Variants in EIPR1 observed in about 807,000 individuals in gnomAD.
EIPR1 encodes the protein EARP complex and GARP complex interacting protein 1.
Under a neutral mutation model 48.1 loss-of-function variants are expected in EIPR1, and 25 were observed. That is an observed-to-expected ratio of 0.52 (90% CI 0.38 to 0.73). The LOEUF (loss-of-function observed/expected upper bound fraction) is 0.73, where lower values mean the gene tolerates loss of function less well. Ranked by LOEUF, EIPR1 falls within the 30% of genes least tolerant of loss-of-function variation. The probability of loss-of-function intolerance (pLI) is 0.00; values close to 1 mark genes in which losing one functional copy is unlikely to be tolerated. For synonymous variants in EIPR1, 204 were observed against 201.9 expected, an observed-to-expected ratio of 1.01 and a Z score of -0.09; for missense variants, 415 against 506.2, an observed-to-expected ratio of 0.82 and a Z score of 1.73.
At chr2:3,265,598 TC>T (rs1667461823) in intron 3 of EIPR1, among the ~76,000 whole-genome samples, 1 of 152,206 alleles carries the variant, frequency 6.6e-6, no homozygotes, top group Admixed American at 6.5e-5. Flanking sequence ...TAATGTAACT[TC>T]CTGTGCCGAA....
At chr2:3,352,858 G>A (rs530933010) in intron 2 of EIPR1, among the ~76,000 whole-genome samples, 38 of 152,184 alleles carry the variant, frequency 2.5e-4, no homozygotes, top group Non-Finnish European at 5.0e-4. Context: ...TTAGCTGGGC[G>A]TGGTGGTGCA....
chr2:3,365,386 A>C (rs1335914601), intron 1 of EIPR1, among the ~76,000 whole-genome samples: 1 of 151,996 alleles, frequency 6.6e-6, no homozygotes, highest in Non-Finnish European at 1.5e-5. Flanking sequence ...GCCGGGAGAG[A>C]GCTTGAGCCC....
intron 1 of EIPR1, among the ~76,000 whole-genome samples, chr2:3,375,904 G>A (rs1481932334): frequency 6.6e-6 from 1 of 152,208 alleles, no homozygotes; most frequent in Non-Finnish European, 1.5e-5. Context: ...ATGTGATATA[G>A]CCACTGGTCA....
At chr2:3,376,430 C>T (rs983182659) in intron 1 of EIPR1, among the ~76,000 whole-genome samples, 36 of 152,196 alleles carry the variant, frequency 2.4e-4, no homozygotes, top group African/African-American at 7.2e-4. Context: ...CGGTGGCTCA[C>T]GCCTGTAATC....
chr2:3,208,454 G>A, intron 5 of EIPR1: 2 of 1,491,682 alleles, frequency 1.3e-6, no homozygotes, highest in Non-Finnish European at 1.8e-6. Context: ...TCCGTCGTTA[G>A]CTTTCCTCTT....
intron 3 of EIPR1, among the ~76,000 whole-genome samples, chr2:3,306,088 C>T (rs186570679): frequency 5.9e-5 from 9 of 152,304 alleles, no homozygotes; most frequent in Admixed American, 4.6e-4. Flanking sequence ...GACACAAAAA[C>T]GAAACTGGGG....
chr2:3,371,062 G>T (rs779546950), intron 1 of EIPR1, among the ~76,000 whole-genome samples: 34 of 152,302 alleles, frequency 2.2e-4, no homozygotes, highest in Non-Finnish European at 2.9e-5. Context: ...CTACAAGCCA[G>T]GAGAGAGTAG....
chr2:3,355,142 G>C (rs114977446), intron 1 of EIPR1, among the ~76,000 whole-genome samples: 1,966 of 152,274 alleles, frequency 0.013, 38 homozygotes, highest in African/African-American at 0.039. Flanking sequence ...GGAAGCCTAG[G>C]GGGGAAGCCC....
intron 6 of EIPR1, among the ~76,000 whole-genome samples, chr2:3,196,135 G>A (rs1664798661): frequency 6.6e-6 from 1 of 152,230 alleles, no homozygotes; most frequent in Non-Finnish European, 1.5e-5. Context: ...AAAGGAGGAA[G>A]TGGCAAGTGA....
chr2:3,202,226 C>T (rs562545400), intron 5 of EIPR1, among the ~76,000 whole-genome samples: 6 of 152,292 alleles, frequency 3.9e-5, no homozygotes, highest in East Asian at 1.9e-4. Flanking sequence ...CGTGAGCCAC[C>T]GCACCCGGCC....
intron 8 of EIPR1, among the ~76,000 whole-genome samples, chr2:3,190,103 C>A (rs1019140430): frequency 6.6e-5 from 10 of 152,088 alleles, no homozygotes; most frequent in Admixed American, 2.6e-4. Context: ...TGGCCTCCCC[C>A]AGGGTGTTTC....
rs377098124 is a variant in EIPR1, at chr2:3,233,277, G to C, written c.417-19029C>G. Among the ~76,000 whole-genome samples, 16 of 152,016 alleles carry C rather than the reference G, an allele frequency of 1.1e-4. No individual in the cohort carries two copies. The East Asian group carries it at 2.7e-3, about 26-fold the overall frequency. ...TCAAATAGATATAATTCTTTCCAAAGGGCACACAGAATTCTATCGTGTGAA... is the reference window on the plus strand; with the variant it reads ...TCAAATAGATATAATTCTTTCCAAACGGCACACAGAATTCTATCGTGTGAA... On this transcript the variant is annotated intron_variant, in intron 4 of 8. Transcript: ENST00000382125.
At chr2:3,371,440 T>G (rs62119555) in intron 1 of EIPR1, among the ~76,000 whole-genome samples, 24,590 of 152,074 alleles carry the variant, frequency 0.16, 2,221 homozygotes, top group Non-Finnish European at 0.2. Context: ...GACTGGCAAA[T>G]TGGATAAAGA....
chr2:3,190,676 G>A (rs1158577237), intron 8 of EIPR1, among the ~76,000 whole-genome samples: 1 of 152,188 alleles, frequency 6.6e-6, no homozygotes, highest in African/African-American at 2.4e-5. Flanking sequence ...TGGTGAGGAA[G>A]TGCAGACTCC....
intron 4 of EIPR1, among the ~76,000 whole-genome samples, chr2:3,254,784 C>G (rs1667103536): frequency 6.6e-6 from 1 of 152,220 alleles, no homozygotes; most frequent in Admixed American, 6.5e-5. Context: ...TGTCTTGACT[C>G]TGGTGGTGGC....
At chr2:3,273,982 TA>T (rs1667773855) in intron 3 of EIPR1, among the ~76,000 whole-genome samples, 1 of 152,120 alleles carries the variant, frequency 6.6e-6, no homozygotes, top group Non-Finnish European at 1.5e-5. Context: ...TTAAAAAAAA[TA>T]ATAAAGCATC....
intron 1 of EIPR1, among the ~76,000 whole-genome samples, chr2:3,367,187 C>CT (rs1015244333): frequency 3.3e-5 from 5 of 151,724 alleles, no homozygotes; most frequent in East Asian, 1.9e-4. Context: ...AATGCCTCTG[C>CT]AAGGGTGCGT....
At chr2:3,341,113 AAAAAAAACAAAAC>A (rs1670231574) in intron 2 of EIPR1, among the ~76,000 whole-genome samples, 1 of 148,438 alleles carries the variant, frequency 6.7e-6, no homozygotes, top group Non-Finnish European at 1.5e-5. Context: ...AAAAAAAAAA[AAAAAAAACAAAAC>A]AAAACTCCAC....
rs73913306 is a variant in EIPR1, at chr2:3,287,344, T to C, written c.260-29889A>G. On this transcript the variant is annotated intron_variant, in intron 3 of 8. Coordinates refer to ENST00000382125, the MANE Select transcript of EIPR1 (RefSeq NM_003310.5). ...ACCACACTCCAGAAAGCTCGTTCAC[T>C]GCGCTCCAGAAAGCTCGTTCACTAC... Among the ~76,000 whole-genome samples, 334 of 121,992 alleles carry C rather than the reference T, an allele frequency of 2.7e-3. 2 individuals carry two copies. Among genetic ancestry groups the C allele is most frequent in the East Asian group, 0.017 (64 of 3,716 alleles). 80.0% of individuals were successfully genotyped at this position (121,992 alleles called of 152,430 possible). A position where few individuals can be genotyped will look rare whatever the true frequency, so the allele number is the denominator to read the frequency against.
Sources: allele counts gnomAD v4.1 joint callset (sites outside exome capture counted in the v4.1 genomes callset), GRCh38; gene constraint gnomAD v4.1.1; transcripts MANE v1.5; gene names NCBI Gene and HGNC (gene_info 2026-07-23, HGNC 2026-07-21).